Variants in TEX26 observed in about 807,000 individuals in gnomAD.
TEX26 encodes testis-expressed protein 26.
A neutral mutation model predicts 35.3 loss-of-function variants in TEX26; 34 were observed. The ratio of observed to expected loss-of-function variants is 0.96; its 90% CI spans 0.73 to 1.28. The LOEUF is 1.28. Among genes scored for constraint, TEX26 ranks in the 50% most tolerant of loss-of-function variants. TEX26 has a pLI of 0.00. For missense variants in TEX26, 371 were observed against 330.1 expected (o/e 1.12, Z -0.96); for synonymous variants, 136 against 111.8 (o/e 1.22, Z -1.36).
At chr13:30,940,234 A>C (rs147455103) in intron 2 of TEX26, among the ~76,000 whole-genome samples, 3 of 138,568 alleles carry the variant, frequency 2.2e-5, no homozygotes, top group East Asian at 2.2e-4. Flanking sequence ...TCTTACCTCC[A>C]CTCCTCCAGA....
At chr13:30,967,980 T>A (rs1319548412) in intron 5 of TEX26, among the ~76,000 whole-genome samples, 1 of 152,168 alleles carries the variant, frequency 6.6e-6, no homozygotes, top group Admixed American at 6.5e-5. Context: ...ACAGGAGATG[T>A]CCTGAAAGAA....
At chr13:30,945,313 C>A (rs894365223) in intron 2 of TEX26, among the ~76,000 whole-genome samples, 4 of 151,852 alleles carry the variant, frequency 2.6e-5, no homozygotes, top group African/African-American at 9.6e-5. Flanking sequence ...TTTTTCCACC[C>A]TTTTTCCTTG....
At chr13:30,954,311 CACACACACAT>C (rs1292553063) in intron 3 of TEX26, among the ~76,000 whole-genome samples, 5 of 145,010 alleles carry the variant, frequency 3.4e-5, no homozygotes, top group South Asian at 2.1e-4. Context: ...CACACACACA[CACACACACAT>C]ATATGTATGT....
At chr13:30,935,377 T>C (rs1479724658) in intron 1 of TEX26, among the ~76,000 whole-genome samples, 1 of 152,216 alleles carries the variant, frequency 6.6e-6, no homozygotes. Context: ...TGCTGCCTCC[T>C]CCAGCCTGCG....
At chr13:30,961,646 T>C (rs1056039093) in intron 4 of TEX26, among the ~76,000 whole-genome samples, 2 of 152,162 alleles carry the variant, frequency 1.3e-5, no homozygotes, top group Non-Finnish European at 2.9e-5. Context: ...ATGGGAAGCT[T>C]GCCCTTTGAC....
At chr13:30,957,286 G>T (rs543139647) in intron 4 of TEX26, among the ~76,000 whole-genome samples, 1 of 152,268 alleles carries the variant, frequency 6.6e-6, no homozygotes, top group South Asian at 2.1e-4. Context: ...CTGGCCCAAA[G>T]GATGAAGAGG....
intron 1 of TEX26, among the ~76,000 whole-genome samples, chr13:30,935,924 A>C (rs898572927): frequency 6.6e-6 from 1 of 152,222 alleles, no homozygotes; most frequent in Non-Finnish European, 1.5e-5. Flanking sequence ...TTGTGGCCTC[A>C]TTACTCCAGG....
In TEX26 at chr13:30,966,360, G is replaced by T. The variant is rs919284572; in HGVS notation, c.608G>T (p.Gly203Val). 2.5e-6 allele frequency: 4 copies of T among 1,613,438 alleles called. No individual in the cohort carries two copies. Among genetic ancestry groups the T allele is most frequent in the East Asian group, 2.2e-5 (1 of 44,858 alleles). ...PELQDFSFKY[G>V]CYSSLPVASQ... Reference sequence around the variant, plus strand: ...CTTCAAGATTTCAGTTTCAAATATGGATGCTACTCAAGCTTGCCTGTTGCT... The same window carrying T: ...CTTCAAGATTTCAGTTTCAAATATGTATGCTACTCAAGCTTGCCTGTTGCT... Residue 203 changes from glycine (G) to valine (V), a missense_variant, in exon 5 of 7, where the codon GGA (glycine) becomes GTA (valine). Physicochemically the swap from Gly to Val is moderately radical, Grantham distance 109. Transcript: ENST00000380473.
chr13:30,941,528 T>C (rs1335119879), intron 2 of TEX26, among the ~76,000 whole-genome samples: 1 of 152,132 alleles, frequency 6.6e-6, no homozygotes, highest in Non-Finnish European at 1.5e-5. Flanking sequence ...GCGGTACAGG[T>C]GGTTTTTGGT....
chr13:30,964,255 G>A (rs1370787754), intron 4 of TEX26, among the ~76,000 whole-genome samples: 2 of 152,070 alleles, frequency 1.3e-5, no homozygotes, highest in African/African-American at 4.8e-5. Flanking sequence ...CACTTCTGGA[G>A]GTTCTCAATG....
At chr13:30,972,406 G>A (rs2138356870) in intron 6 of TEX26, among the ~76,000 whole-genome samples, 1 of 152,172 alleles carries the variant, frequency 6.6e-6, no homozygotes, top group East Asian at 1.9e-4. Flanking sequence ...GCAAAACTTG[G>A]TGAACCATGT....
chr13:30,962,304 G>A (rs553869747), intron 4 of TEX26, among the ~76,000 whole-genome samples: 3 of 152,164 alleles, frequency 2.0e-5, no homozygotes, highest in Non-Finnish European at 2.9e-5. Flanking sequence ...GGTCCTGGCC[G>A]CCATGCTGCC....
chr13:30,943,032 G>A (rs780549366), intron 2 of TEX26, among the ~76,000 whole-genome samples: 3 of 152,016 alleles, frequency 2.0e-5, no homozygotes, highest in African/African-American at 2.4e-5. Flanking sequence ...GAAAAATGAT[G>A]TTGGTATTTT....
intron 2 of TEX26, among the ~76,000 whole-genome samples, chr13:30,941,891 T>A (rs896288424): frequency 6.6e-6 from 1 of 152,172 alleles, no homozygotes; most frequent in Non-Finnish European, 1.5e-5. Context: ...ACACACCACT[T>A]TTTTTAAACC....
chr13:30,966,299 C>T lies in TEX26; in HGVS notation c.547C>T (p.Arg183Ter), dbSNP rs193234818. The change falls in exon 5 of 7, where the codon CGA becomes TGA. Residue 183 changes from arginine (R) to a stop codon, truncating the protein, a stop_gained. Coordinates refer to ENST00000380473, the MANE Select transcript of TEX26 (RefSeq NM_152325.3). LOFTEE classifies it high-confidence loss of function. ...LLPQPPDTEF[R>*]RNYQIPAKIP... ...TCCCCAACCTCCAGACACTGAATTCCGAAGGAATTACCAAATTCCAGCTAA... is the reference window on the plus strand; with the variant it reads ...TCCCCAACCTCCAGACACTGAATTCTGAAGGAATTACCAAATTCCAGCTAA... 200 of 1,614,016 alleles carry T rather than the reference C, an allele frequency of 1.2e-4. No individual in the cohort carries two copies. The highest frequency in any genetic ancestry group is 7.4e-4 in the East Asian group (33 of 44,864).
intron 3 of TEX26, among the ~76,000 whole-genome samples, chr13:30,953,355 C>T (rs1315599254): frequency 6.6e-6 from 1 of 152,180 alleles, no homozygotes. Flanking sequence ...AATTATCTGA[C>T]TAGAAAGAAG....
intron 1 of TEX26, among the ~76,000 whole-genome samples, chr13:30,938,654 A>T (rs1593534049): frequency 6.6e-6 from 1 of 152,286 alleles, no homozygotes; most frequent in South Asian, 2.1e-4. Context: ...CCCAATACAC[A>T]ACATTTGGGG....
At chr13:30,965,500 T>C (rs993639275) in intron 4 of TEX26, among the ~76,000 whole-genome samples, 5 of 152,232 alleles carry the variant, frequency 3.3e-5, no homozygotes, top group African/African-American at 4.8e-5. Context: ...TGTTACATGA[T>C]ATGCCTCTGA....
At chr13:30,950,348 C>T (rs1953872660) in intron 2 of TEX26, among the ~76,000 whole-genome samples, 1 of 151,796 alleles carries the variant, frequency 6.6e-6, no homozygotes, top group Non-Finnish European at 1.5e-5. Flanking sequence ...GGAGGTTGCT[C>T]CACCCTGGGT....
Sources: allele counts gnomAD v4.1 joint callset (sites outside exome capture counted in the v4.1 genomes callset), GRCh38; gene constraint gnomAD v4.1.1; transcripts MANE v1.5; gene names NCBI Gene and HGNC (gene_info 2026-07-23, HGNC 2026-07-21).